DKK2: variants seen among roughly 807,000 people sequenced by gnomAD.
DKK2 encodes dickkopf-related protein 2.
In DKK2, 11 loss-of-function variants were observed where a neutral mutation model predicts 28.1. The observed-to-expected ratio is 0.39, with a 90% CI of 0.25 to 0.65. The LOEUF is 0.65. DKK2 is among the 30% of genes least tolerant of loss of function. DKK2 has a pLI of 0.47. For missense variants in DKK2, 326 were observed against 335.5 expected (o/e 0.97, Z 0.22); for synonymous variants, 135 against 126.5 (o/e 1.07, Z -0.45).
intron 1 of DKK2, among the ~76,000 whole-genome samples, chr4:106,958,056 C>A (rs1370582632): frequency 6.6e-6 from 1 of 150,524 alleles, no homozygotes; most frequent in Non-Finnish European, 1.5e-5. Flanking sequence ...GAATTGTCTG[C>A]ATTTCAAAAC....
In DKK2 at chr4:106,925,959, A is replaced by G; in HGVS notation, c.223-10T>C. ...TGCTACAAGGGTAGGCCTGTCATCAAGTGGAACAACACCAGAAGTAAAGGA... is the reference window on the plus strand; with the variant it reads ...TGCTACAAGGGTAGGCCTGTCATCAGGTGGAACAACACCAGAAGTAAAGGA... On this transcript the variant is annotated splice_polypyrimidine_tract_variant and intron_variant, in intron 1 of 3. Coordinates refer to ENST00000285311, the MANE Select transcript of DKK2 (RefSeq NM_014421.3). 6.3e-7 allele frequency: 1 copy of G among 1,596,588 alleles called. No individual in the cohort carries two copies. Among genetic ancestry groups the G allele is most frequent in the African/African-American group, 1.4e-5 (1 of 73,708 alleles).
At chr4:106,961,923 C>T (rs1722691004) in intron 1 of DKK2, among the ~76,000 whole-genome samples, 1 of 152,104 alleles carries the variant, frequency 6.6e-6, no homozygotes, top group African/African-American at 2.4e-5. Flanking sequence ...TAAGTGTTAG[C>T]CACTACTATT....
chr4:107,005,360 A>AC (rs1723423305), intron 1 of DKK2, among the ~76,000 whole-genome samples: 1 of 149,964 alleles, frequency 6.7e-6, no homozygotes, highest in Non-Finnish European at 1.5e-5. Flanking sequence ...AAAAAAAAAA[A>AC]ACAAAAACAA....
rs553450386 is a variant in DKK2, at chr4:107,010,153, A to G, written c.222+25217T>C. Among the ~76,000 whole-genome samples, 6 of 151,822 alleles carry G rather than the reference A, an allele frequency of 4.0e-5. No individual in the cohort carries two copies. The South Asian group carries it at 1.2e-3, about 32-fold the overall frequency. On this transcript the variant is annotated intron_variant, in intron 1 of 3. Coordinates refer to ENST00000285311, the MANE Select transcript of DKK2 (RefSeq NM_014421.3). ...TCAGTAGGCTGCCCTCCCCCAAAGT[A>G]GGAAACAAGTAATAATACAATATTT...
chr4:106,971,881 C>A (rs1171701440), intron 1 of DKK2, among the ~76,000 whole-genome samples: 1 of 152,024 alleles, frequency 6.6e-6, no homozygotes, highest in Non-Finnish European at 1.5e-5. Context: ...CATTTGGTCA[C>A]CCACATTTTG....
Position 107,034,870 on chromosome 4 carries a change from T to C in DKK2, c.222+500A>G, listed in dbSNP as rs138708648. On this transcript the variant is annotated intron_variant, in intron 1 of 3. Transcript: ENST00000285311. ...CCCTCTCTGCCACTTATACTAGCTG[T>C]GTGCCTTGGGCAAATCGTTAATCAA... 3.9e-5 allele frequency among the ~76,000 whole-genome samples: 6 copies of C among 152,322 alleles called. No individual in the cohort carries two copies. The East Asian group carries it at 1.2e-3, about 29-fold the overall frequency.
At chr4:106,957,400 G>A (rs1406760690) in intron 1 of DKK2, among the ~76,000 whole-genome samples, 1 of 151,952 alleles carries the variant, frequency 6.6e-6, no homozygotes, top group Admixed American at 6.6e-5. Flanking sequence ...ATCCCATTAA[G>A]GGGTATATAC....
chr4:106,947,064 C>T (rs1327894970), intron 1 of DKK2, among the ~76,000 whole-genome samples: 5 of 152,104 alleles, frequency 3.3e-5, no homozygotes, highest in Admixed American at 3.3e-4. Flanking sequence ...TGGGTAGTCA[C>T]AACTCATTCA....
At chr4:106,973,700 T>C (rs1248145605) in intron 1 of DKK2, among the ~76,000 whole-genome samples, 3 of 152,174 alleles carry the variant, frequency 2.0e-5, no homozygotes, top group African/African-American at 7.2e-5. Context: ...TTCACTCTGA[T>C]GATAGTTTCT....
chr4:106,950,675 C>T (rs1462820305), intron 1 of DKK2, among the ~76,000 whole-genome samples: 1 of 152,186 alleles, frequency 6.6e-6, no homozygotes, highest in Non-Finnish European at 1.5e-5. Flanking sequence ...AGCACAAGTT[C>T]TCTGTCTTTT....
chr4:106,970,002 A>G (rs1342733599), intron 1 of DKK2, among the ~76,000 whole-genome samples: 1 of 152,132 alleles, frequency 6.6e-6, no homozygotes, highest in African/African-American at 2.4e-5. Context: ...TGAAAACTCA[A>G]CCACTGTCAT....
intron 1 of DKK2, among the ~76,000 whole-genome samples, chr4:106,960,922 C>T (rs756259725): frequency 1.3e-5 from 2 of 151,990 alleles, no homozygotes; most frequent in Non-Finnish European, 2.9e-5. Flanking sequence ...ATATCATAGG[C>T]CTGCTCTACT....
intron 1 of DKK2, among the ~76,000 whole-genome samples, chr4:107,007,137 AT>A (rs1478928286): frequency 6.6e-6 from 1 of 152,142 alleles, no homozygotes; most frequent in Non-Finnish European, 1.5e-5. Context: ...TAGTTTAGTG[AT>A]TTTTTTCCTC....
At chr4:106,953,785 AC>A (rs1246889028) in intron 1 of DKK2, among the ~76,000 whole-genome samples, 2 of 152,206 alleles carry the variant, frequency 1.3e-5, no homozygotes, top group African/African-American at 4.8e-5. Context: ...ATCTTGCAGC[AC>A]AATCCAATAA....
intron 1 of DKK2, among the ~76,000 whole-genome samples, chr4:106,972,632 C>A (rs760965045): frequency 3.9e-5 from 6 of 152,020 alleles, no homozygotes; most frequent in Admixed American, 6.6e-5. Context: ...TTTATTAATG[C>A]AAGGATTAAA....
At position 106,966,173 on chromosome 4, in the gene DKK2, C is replaced by T. The variant is rs78448905; in HGVS notation, c.223-40224G>A. The stretch of plus-strand genomic sequence containing the variant: ...GGTTGCAAATTAACTTAGGCTTGGA[C>T]GCTTGTAATAAGTCAGTGATAATTA... On this transcript the variant is annotated intron_variant, in intron 1 of 3. Coordinates refer to ENST00000285311, the MANE Select transcript of DKK2 (RefSeq NM_014421.3). Among the ~76,000 whole-genome samples, 1,095 of 152,198 alleles carry T rather than the reference C, an allele frequency of 7.2e-3. 18 individuals are homozygous for T. Among genetic ancestry groups the T allele is most frequent in the African/African-American group, 0.025 (1,037 of 41,534 alleles).
intron 1 of DKK2, among the ~76,000 whole-genome samples, chr4:107,021,956 A>G (rs1723699244): frequency 6.6e-6 from 1 of 152,050 alleles, no homozygotes; most frequent in Admixed American, 6.6e-5. Flanking sequence ...CCTTGATTAC[A>G]TTTTCTGTTA....
rs988594831 is a variant in DKK2, at chr4:106,924,846, T to A, written c.374-146A>T. On this transcript the variant is annotated intron_variant, in intron 2 of 3. Coordinates refer to ENST00000285311, the MANE Select transcript of DKK2 (RefSeq NM_014421.3). ...CCACCCATCCATTCATTTACTTATT[T>A]ATTGAGACTGAGCATACTTTGGCCC... is the stretch of plus-strand genomic sequence containing the variant. 1.2e-5 allele frequency: 10 copies of A among 822,732 alleles called. No homozygotes were observed. The East Asian group carries it at 3.0e-4, about 25-fold the overall frequency. The allele number at this position is 822,732 out of a possible 1,614,324, so 51.0% of individuals were successfully genotyped here.
chr4:107,011,134 T>C (rs1723511265), intron 1 of DKK2, among the ~76,000 whole-genome samples: 1 of 151,410 alleles, frequency 6.6e-6, no homozygotes, highest in Admixed American at 6.6e-5. Flanking sequence ...TAATTATGAA[T>C]AGTCTTCTTT....
Sources: gnomAD v4.1 joint callset for allele counts (sites outside exome capture counted in the v4.1 genomes callset) on GRCh38, gnomAD v4.1.1 for gene constraint, MANE v1.5 for transcripts, NCBI Gene and HGNC (gene_info 2026-07-23, HGNC 2026-07-21) for gene names.